Variants in WWP2 observed in about 807,000 individuals in gnomAD.
WWP2 encodes WW domain containing E3 ubiquitin protein ligase 2, also known as NEDD4-like E3 ubiquitin-protein ligase WWP2.
WWP2 carries 57 observed loss-of-function variants against 121.0 expected under a neutral mutation model. The observed-to-expected ratio is 0.47, with a 90% CI of 0.38 to 0.59. The LOEUF (loss-of-function observed/expected upper bound fraction) is 0.59. WWP2 is among the 20% of genes least tolerant of loss of function. The pLI is 0.00. For synonymous variants in WWP2, 449 were observed against 441.3 expected (o/e 1.02, Z -0.22); for missense variants, 962 against 1,158.9 (o/e 0.83, Z 2.47).
At position 69,799,759 on chromosome 16, in the gene WWP2, T is replaced by C. The variant is rs753800039; in HGVS notation, c.340+464T>C. On this transcript the variant is annotated intron_variant, in intron 4 of 23. Transcript: ENST00000359154. This position sits in a 1 kb window ranked among gnomAD's most constrained non-coding sequence, Gnocchi z 4.5. ...GTGTCTGGGATAGTATTACAAATAG[T>C]GCCCTGTGCTTACTCGGCACTCAGT... 1.3e-5 allele frequency among the ~76,000 whole-genome samples: 2 copies of C among 152,204 alleles called. No homozygotes were observed. The highest frequency in any genetic ancestry group is 2.9e-5 in the Non-Finnish European group (2 of 68,024).
chr16:69,842,442 A>C (rs1286381612), intron 6 of WWP2, among the ~76,000 whole-genome samples: 1 of 152,188 alleles, frequency 6.6e-6, no homozygotes, highest in Non-Finnish European at 1.5e-5. Flanking sequence ...GATAGTGAAC[A>C]TAGTACCTGA....
rs2056117048 is a variant in WWP2, at chr16:69,799,494, G to T, written c.340+199G>T. On this transcript the variant is annotated intron_variant, in intron 4 of 23. Transcript: ENST00000359154. This position sits in a 1 kb window ranked among gnomAD's most constrained non-coding sequence, Gnocchi z 4.5. The stretch of plus-strand genomic sequence containing the variant: ...CAGAGTTTAGCCCTCTTTGTCCAGG[G>T]CCTCTAGTAATGTGATGCAGTGGTG... 1 of 644,776 alleles carries T rather than the reference G, an allele frequency of 1.6e-6. No homozygotes were observed. The allele number at this position is 644,776 out of a possible 1,614,324, so 39.9% of individuals were successfully genotyped here.
chr16:69,823,677 C>T (rs1287435783), intron 4 of WWP2, among the ~76,000 whole-genome samples: 1 of 152,084 alleles, frequency 6.6e-6, no homozygotes, highest in Non-Finnish European at 1.5e-5. Context: ...CATGTTGGCC[C>T]TGCTGGCCTC....
intron 9 of WWP2, among the ~76,000 whole-genome samples, chr16:69,911,175 C>T (rs1456558955): frequency 1.3e-5 from 2 of 152,228 alleles, no homozygotes; most frequent in Non-Finnish European, 2.9e-5. Context: ...ACCACCGATT[C>T]ACTTAATCAT....
At chr16:69,897,824 T>C (rs73572177) in intron 8 of WWP2, among the ~76,000 whole-genome samples, 103,013 of 151,480 alleles carry the variant, frequency 0.68, 36,714 homozygotes, top group East Asian at 0.9. Flanking sequence ...AGAAGAATGG[T>C]TTGAACCAGG....
intron 4 of WWP2, among the ~76,000 whole-genome samples, chr16:69,818,773 C>A (rs1214792138): frequency 6.6e-6 from 1 of 152,028 alleles, no homozygotes; most frequent in Non-Finnish European, 1.5e-5. Context: ...TTTTCTCTTC[C>A]CCAGTCTGCA....
At chr16:69,841,177 T>C (rs2056970673) in intron 5 of WWP2, among the ~76,000 whole-genome samples, 1 of 152,246 alleles carries the variant, frequency 6.6e-6, no homozygotes, top group Non-Finnish European at 1.5e-5. Context: ...GCTTCAGGTT[T>C]ACAGTCTCCT....
intron 6 of WWP2, among the ~76,000 whole-genome samples, chr16:69,842,358 G>T (rs571096869): frequency 2.6e-5 from 4 of 152,036 alleles, no homozygotes; most frequent in East Asian, 3.9e-4. Context: ...GATTCAGGGG[G>T]TACATGTACA....
intron 6 of WWP2, 131 bp from the exon 7 acceptor site, chr16:69,871,673 A>T: frequency 7.3e-7 from 1 of 1,361,022 alleles, no homozygotes; most frequent in Non-Finnish European, 1.0e-6. Flanking sequence ...TTAGTCCAAA[A>T]CTAGAGGGGC....
chr16:69,903,852 A>G (rs1264690036), intron 8 of WWP2, among the ~76,000 whole-genome samples: 2 of 152,156 alleles, frequency 1.3e-5, no homozygotes, highest in African/African-American at 2.4e-5. Context: ...TTGTCTTTAT[A>G]AAAGGGGCAG....
intron 1 of WWP2, 89 bp downstream of exon 1, chr16:69,762,480 G>A (rs1297122359): frequency 1.4e-5 from 2 of 147,522 alleles, no homozygotes; most frequent in African/African-American, 4.9e-5. Context: ...TGGGCCGGGG[G>A]CGGCGCGGCC....
chr16:69,808,975 A>G (rs1418847488), intron 4 of WWP2, among the ~76,000 whole-genome samples: 1 of 152,220 alleles, frequency 6.6e-6, no homozygotes, highest in Non-Finnish European at 1.5e-5. Context: ...CCAATTTGCC[A>G]TCCCATAAAT....
chr16:69,936,974 GT>G, intron 19 of WWP2, 143 bp from the exon 20 acceptor site: 1 of 1,164,326 alleles, frequency 8.6e-7, no homozygotes, highest in South Asian at 1.6e-5. Flanking sequence ...CTCACTCTAG[GT>G]CCTCCAGCAG....
intron 4 of WWP2, among the ~76,000 whole-genome samples, chr16:69,837,368 T>C (rs754107974): frequency 1.3e-5 from 2 of 152,224 alleles, no homozygotes; most frequent in African/African-American, 2.4e-5. Context: ...ACCCAGCCCA[T>C]TGGCTCTTTT....
rs146906348 is a variant in WWP2, at chr16:69,888,303, C to T, written c.914+54C>T. On this transcript the variant is annotated intron_variant, in intron 8 of 23. Transcript: ENST00000359154. ...CTCTCCTCCTCAAAGACTGAGGCTCCTTTACGGGGGTGGAAACAACGTGGT... is the reference window on the plus strand; with the variant it reads ...CTCTCCTCCTCAAAGACTGAGGCTCTTTTACGGGGGTGGAAACAACGTGGT... The T allele has an allele frequency of 2.0e-4, 313 of 1,558,436 alleles. No homozygotes were observed. In the African/African-American group the frequency reaches 3.9e-3, roughly 19 times the overall value.
intron 4 of WWP2, among the ~76,000 whole-genome samples, chr16:69,808,560 C>T (rs956804737): frequency 6.6e-6 from 1 of 152,150 alleles, no homozygotes; most frequent in Non-Finnish European, 1.5e-5. Context: ...TGCCACCATG[C>T]GTGGCTAATT....
intron 1 of WWP2, among the ~76,000 whole-genome samples, chr16:69,765,791 T>C (rs942990810): frequency 2.6e-5 from 4 of 152,266 alleles, no homozygotes; most frequent in Non-Finnish European, 5.9e-5. Context: ...GCCACTGCAC[T>C]CCAGCCTAGG....
At chr16:69,826,255 GAAACTCCGTCTCAA>G (rs1454840890) in intron 4 of WWP2, among the ~76,000 whole-genome samples, 2 of 108,234 alleles carry the variant, frequency 1.8e-5, no homozygotes, top group African/African-American at 7.5e-5. Flanking sequence ...TGACAAGAGT[GAAACTCCGTCTCAA>G]AAAAAAAAAA....
intron 10 of WWP2, among the ~76,000 whole-genome samples, chr16:69,923,339 T>G: frequency 6.8e-6 from 1 of 147,806 alleles, no homozygotes; most frequent in Admixed American, 6.7e-5. Context: ...TGCGTTCTGA[T>G]AGAATAACAA....
Sources: allele counts gnomAD v4.1 joint callset (sites outside exome capture counted in the v4.1 genomes callset), GRCh38; gene constraint gnomAD v4.1.1; non-coding constraint Gnocchi (gnomAD v3.1); transcripts MANE v1.5; gene names NCBI Gene and HGNC (gene_info 2026-07-23, HGNC 2026-07-21).